Variants in RUSC2 observed in about 807,000 individuals in gnomAD.
RUSC2 encodes the protein AP-4 complex accessory subunit RUSC2.
Under a neutral mutation model 122.2 loss-of-function variants are expected in RUSC2, and 34 were observed. That is an observed-to-expected ratio of 0.28 (90% CI 0.21 to 0.37). The LOEUF is 0.37. Ranked by LOEUF, RUSC2 falls within the 10% of genes least tolerant of loss-of-function variation. The pLI is 1.00. For missense variants in RUSC2, 1,747 were observed against 1,952.4 expected (o/e 0.89, Z 1.98); for synonymous variants, 784 against 790.0 (o/e 0.99, Z 0.13).
chr9:35,514,705 G>A (rs1821071087), intron 1 of RUSC2, among the ~76,000 whole-genome samples: 1 of 152,146 alleles, frequency 6.6e-6, no homozygotes, highest in African/African-American at 2.4e-5. Context: ...AGCAACGGAA[G>A]TACAGAGATA....
intron 1 of RUSC2, among the ~76,000 whole-genome samples, chr9:35,492,660 A>G (rs902618517): frequency 2.2e-5 from 3 of 139,086 alleles, no homozygotes; most frequent in African/African-American, 5.5e-5. Flanking sequence ...TACCATATTT[A>G]CTCTTTATGG....
rs1822166942 is a variant in RUSC2, at chr9:35,561,348, CTCCAAG to C, written c.4523_4528del (p.Ser1508_Pro1509del). ...CTGGCCTACGTGACATTGACCCCAA[CTCCAAG>C]TCCAACCCCTGGAAGCAGCCAAAAC... On this transcript the variant is annotated inframe_deletion, in exon 12 of 12. Coordinates refer to ENST00000361226, the MANE Select transcript of RUSC2 (RefSeq NM_014806.5). 1 of 1,613,928 alleles carries C rather than the reference CTCCAAG, an allele frequency of 6.2e-7. No individual in the cohort carries two copies. Among genetic ancestry groups the C allele is most frequent in the African/African-American group, 1.3e-5 (1 of 75,054 alleles).
Position 35,558,483 on chromosome 9 carries a change from A to G in RUSC2, c.3257A>G (p.His1086Arg), listed in dbSNP as rs1563875343. ...CCAGGCCCATCCACCAAGGTCCTGC[A>G]TGGCCTCTACAACAAAGTCAGCCAA... is the stretch of plus-strand genomic sequence containing the variant. ...TQLGPSTKVL[H>R]GLYNKVSQFP... is the part of the protein sequence containing the mutation. The change falls in exon 8 of 12, where the codon CAT (histidine) becomes CGT (arginine). Residue 1086 changes from histidine to arginine, a missense_variant. Transcript: ENST00000361226. The surrounding 1 kb of genome is among the most constrained non-coding windows in gnomAD (Gnocchi z 4.3). 1.2e-6 allele frequency: 2 copies of G among 1,614,158 alleles called. No individual in the cohort carries two copies. The highest frequency in any genetic ancestry group is 1.3e-5 in the African/African-American group (1 of 75,028).
chr9:35,553,887 C>A (rs997617183), intron 2 of RUSC2, among the ~76,000 whole-genome samples: 1 of 152,160 alleles, frequency 6.6e-6, no homozygotes, highest in Non-Finnish European at 1.5e-5. Flanking sequence ...GAAAACCTGG[C>A]CTGATACAAT....
rs751592525 is a variant in RUSC2, at chr9:35,555,497, A to G, written c.2452A>G (p.Ser818Gly). Residue 818 changes from serine to glycine, a missense_variant, in exon 3 of 12, where the codon AGC (serine) becomes GGC (glycine). By Grantham distance (56) the Ser-to-Gly change is moderately conservative (BLOSUM62 0). Coordinates refer to ENST00000361226, the MANE Select transcript of RUSC2 (RefSeq NM_014806.5). This position sits in a 1 kb window ranked among gnomAD's most constrained non-coding sequence, Gnocchi z 4.6. ...PTATESLPPW[S>G]HSCPSAVRPA... ...AGCCACAGAAAGCCTGCCCCCATGG[A>G]GCCACTCCTGTCCTTCTGCTGTCCG... 5.0e-6 allele frequency: 8 copies of G among 1,614,146 alleles called. No individual in the cohort carries two copies. In the South Asian group the frequency reaches 7.7e-5, roughly 16 times the overall value.
Position 35,560,839 on chromosome 9 carries a change from G to C in RUSC2, c.4199G>C (p.Arg1400Pro), listed in dbSNP as rs774466441. 2 of 1,533,640 alleles carry C rather than the reference G, an allele frequency of 1.3e-6. No homozygotes were observed. The highest frequency in any genetic ancestry group is 8.8e-7 in the Non-Finnish European group (1 of 1,142,730). The stretch of plus-strand genomic sequence containing the variant: ...TCCCGAAAAGCCCAGCGGGAGGCCC[G>C]GCCCACAAATAGGTGAGAGCCTGCC... ...FGSRKAQREA[R>P]PTNRLPSDWL... Residue 1400 changes from arginine (R) to proline (P), a missense_variant, in exon 10 of 12, where the codon CGG becomes CCG. Physicochemically the swap from Arg to Pro is moderately radical, Grantham distance 103. Coordinates refer to ENST00000361226, the MANE Select transcript of RUSC2 (RefSeq NM_014806.5).
At position 35,556,308 on chromosome 9, in the gene RUSC2, G is replaced by A. The variant is rs773276905; in HGVS notation, c.2843G>A (p.Gly948Asp). Residue 948 changes from glycine to aspartate, a missense_variant and splice_region_variant, in exon 5 of 12, where the codon GGC (glycine) becomes GAC (aspartate). Gly to Asp is a moderately conservative substitution (Grantham distance 94, BLOSUM62 -1). Transcript: ENST00000361226. ...GGATTGATTTTTCTCTTCTTTCCAG[G>A]CCAAGCAGTGAAGCCGTTACCACTG... is the stretch of plus-strand genomic sequence containing the variant. The part of the protein sequence containing the change: ...AASHLNCRLN[G>D]QAVKPLPLTC... The A allele has an allele frequency of 1.2e-6, 2 of 1,613,964 alleles. No individual in the cohort carries two copies. Among genetic ancestry groups the A allele is most frequent in the South Asian group, 2.2e-5 (2 of 91,070 alleles).
At position 35,560,535 on chromosome 9, in the gene RUSC2, A is replaced by G; in HGVS notation, c.3895A>G (p.Ser1299Gly). ...SRFPRGSSNS[S>G]SEKKKGAGGG... ...GTTCCCTCGTGGTAGCAGCAACAGC[A>G]GCAGCGAGAAAAAGAAAGGGGCAGG... is the stretch of plus-strand genomic sequence containing the variant. Residue 1299 changes from serine to glycine, a missense_variant, in exon 10 of 12, where the codon AGC becomes GGC. Ser to Gly is a moderately conservative substitution (Grantham distance 56). Coordinates refer to ENST00000361226, the MANE Select transcript of RUSC2 (RefSeq NM_014806.5). 1 of 1,614,184 alleles carries G rather than the reference A, an allele frequency of 6.2e-7. No individual in the cohort carries two copies. Among genetic ancestry groups the G allele is most frequent in the South Asian group, 1.1e-5 (1 of 91,078 alleles).
In RUSC2 at chr9:35,546,620, AG is replaced by A; in HGVS notation, c.101del (p.Gly34ValfsTer26). ...VPDRQCCGGA[G>X]GGGGSTRPNP... is the part of the protein sequence containing the mutation. ...CAGACAGGCAGTGCTGTGGAGGGGC[AG>A]GTGGAGGTGGTGGGAGCACAAGACC... is the stretch of plus-strand genomic sequence containing the variant. On this transcript the variant is annotated frameshift_variant, in exon 2 of 12. Coordinates refer to ENST00000361226, the MANE Select transcript of RUSC2 (RefSeq NM_014806.5). LOFTEE classifies it high-confidence loss of function. The surrounding 1 kb of genome is among the most constrained non-coding windows in gnomAD (Gnocchi z 4.3). 6.4e-7 allele frequency: 1 copy of A among 1,560,368 alleles called. No individual in the cohort carries two copies. The highest frequency in any genetic ancestry group is 8.7e-7 in the Non-Finnish European group (1 of 1,154,694).
intron 1 of RUSC2, among the ~76,000 whole-genome samples, chr9:35,516,195 C>G (rs562793768): frequency 5.3e-5 from 8 of 151,944 alleles, no homozygotes; most frequent in Non-Finnish European, 8.8e-5. Flanking sequence ...CTATATCATT[C>G]TTAGGATGCT....
chr9:35,541,059 C>A (rs879614139), intron 1 of RUSC2, among the ~76,000 whole-genome samples: 1 of 152,078 alleles, frequency 6.6e-6, no homozygotes, highest in Admixed American at 6.6e-5. Context: ...ACAAGAGACA[C>A]CCATTTGGGA....
intron 1 of RUSC2, among the ~76,000 whole-genome samples, chr9:35,520,463 C>G (rs1453037013): frequency 6.6e-6 from 1 of 152,180 alleles, no homozygotes; most frequent in Non-Finnish European, 1.5e-5. Flanking sequence ...GTAATTCAAT[C>G]TAGATTCTTC....
At position 35,548,045 on chromosome 9, in the gene RUSC2, T is replaced by C. The variant is rs753508384; in HGVS notation, c.1524T>C (p.Pro508=). The C allele has an allele frequency of 6.2e-7, 1 of 1,613,588 alleles. No individual in the cohort carries two copies. The highest frequency in any genetic ancestry group is 1.3e-5 in the African/African-American group (1 of 74,952). The change falls in exon 2 of 12, where the codon CCT becomes CCC. Residue 508 remains proline (P), a synonymous_variant. Coordinates refer to ENST00000361226, the MANE Select transcript of RUSC2 (RefSeq NM_014806.5). This position sits in a 1 kb window ranked among gnomAD's most constrained non-coding sequence, Gnocchi z 4.5. ...SYDRSLQRSP[P]VRLGSLERML... ...ATCGCAGCCTGCAGCGCAGCCCTCC[T>C]GTCCGCCTGGGCTCGCTGGAACGTA...
chr9:35,550,167 G>A (rs958351015), intron 2 of RUSC2, among the ~76,000 whole-genome samples: 8 of 150,358 alleles, frequency 5.3e-5, no homozygotes, highest in Admixed American at 1.3e-4. Flanking sequence ...CCGAGATCAC[G>A]CCACTGCACT....
At chr9:35,543,404 A>G (rs540769646) in intron 1 of RUSC2, among the ~76,000 whole-genome samples, 1 of 152,210 alleles carries the variant, frequency 6.6e-6, no homozygotes, top group Non-Finnish European at 1.5e-5. Flanking sequence ...CCTCGGTGAT[A>G]GAGTGAGAAC....
chr9:35,512,441 G>T (rs949822640), intron 1 of RUSC2, among the ~76,000 whole-genome samples: 2 of 152,070 alleles, frequency 1.3e-5, no homozygotes, highest in African/African-American at 4.8e-5. Context: ...TCTGAATTAA[G>T]GTATTAGGCA....
intron 2 of RUSC2, among the ~76,000 whole-genome samples, chr9:35,550,867 G>A (rs1821877696): frequency 6.6e-6 from 1 of 151,980 alleles, no homozygotes; most frequent in East Asian, 1.9e-4. Flanking sequence ...CCTGAGGTCA[G>A]GAGTTCACCA....
At chr9:35,510,242 T>C (rs1011954333) in intron 1 of RUSC2, among the ~76,000 whole-genome samples, 8 of 152,330 alleles carry the variant, frequency 5.3e-5, no homozygotes, top group Middle Eastern at 3.4e-3. Context: ...GGGCATATGG[T>C]GGCTCACACC....
rs1370834726 is a variant in RUSC2 at position 35,561,346 on chromosome 9, A to G, written c.4515A>G (p.Pro1505=). The G allele has an allele frequency of 6.2e-7, 1 of 1,613,748 alleles. No homozygotes were observed. Among genetic ancestry groups the G allele is most frequent in the Non-Finnish European group, 8.5e-7 (1 of 1,179,906 alleles). ...CCCTGGCCTACGTGACATTGACCCC[A>G]ACTCCAAGTCCAACCCCTGGAAGCA... The part of the protein sequence containing the change: ...LVPLAYVTLT[P]TPSPTPGSSQ... Residue 1505 remains proline (P), a synonymous_variant, in exon 12 of 12, where the codon CCA becomes CCG. Coordinates refer to ENST00000361226, the MANE Select transcript of RUSC2 (RefSeq NM_014806.5).
Sources: allele counts gnomAD v4.1 joint callset (sites outside exome capture counted in the v4.1 genomes callset), GRCh38; gene constraint gnomAD v4.1.1; non-coding constraint Gnocchi (gnomAD v3.1); transcripts MANE v1.5; gene names NCBI Gene and HGNC (gene_info 2026-07-23, HGNC 2026-07-21).